The following FARP1 variants were observed in gnomAD, a reference collection of about 807,000 sequenced individuals.
The protein encoded by FARP1 is FERM, ARHGEF and pleckstrin domain-containing protein 1.
In FARP1, 52 loss-of-function variants were observed where a neutral mutation model predicts 128.8. The observed-to-expected ratio is 0.40, with a 90% CI of 0.32 to 0.51. FARP1 has a LOEUF of 0.51. Among genes scored for constraint, FARP1 ranks in the 20% least tolerant of loss-of-function variants. The pLI is 0.45. For missense variants in FARP1, 1,333 were observed against 1,367.9 expected (o/e 0.97, Z 0.40); for synonymous variants, 580 against 551.8 (o/e 1.05, Z -0.72).
At chr13:98,446,456 G>T (rs945355663) in intron 25 of FARP1, 2 of 611,068 alleles carry the variant, frequency 3.3e-6, no homozygotes, top group African/African-American at 1.9e-5. Context: ...AGGGACGGGG[G>T]TTGGCTTTAT....
rs1435837752 is a variant in FARP1 at position 98,143,356 on chromosome 13, C to A, written c.-160C>A. On this transcript the variant is annotated 5_prime_UTR_variant, in exon 1 of 27. It introduces an in-frame stop codon into an upstream open reading frame of the 5' UTR. Coordinates refer to ENST00000319562, the MANE Select transcript of FARP1 (RefSeq NM_005766.4). ...TCAGCCGGCCACCGCCAGCCCTGCT[C>A]GCGCGCCCGCGCCGCCGCCGCCCGC... 4 of 149,822 alleles carry A rather than the reference C, an allele frequency of 2.7e-5. No individual in the cohort carries two copies. The highest frequency in any genetic ancestry group is 3.7e-4 in the South Asian group (2 of 5,374). The allele number at this position is 149,822 out of a possible 1,614,324, so 9.3% of individuals were successfully genotyped here.
At chr13:98,251,607 C>T (rs1307779469) in intron 2 of FARP1, among the ~76,000 whole-genome samples, 31 of 150,542 alleles carry the variant, frequency 2.1e-4, no homozygotes, top group African/African-American at 3.9e-4. Context: ...GGCTTGAACC[C>T]GGGAGGTGGA....
rs757002188 is a variant in FARP1 at position 98,176,507 on chromosome 13, C to A, written c.-24+33015C>A. ...ATTTCCTCTTCCTCGCTTCCCACTT[C>A]ATGGTTTTCGTCCTCGCAGATACAG... On this transcript the variant is annotated intron_variant, in intron 1 of 26. Transcript: ENST00000319562. The surrounding 1 kb of genome is among the most constrained non-coding windows in gnomAD (Gnocchi z 6.2). 4 of 1,614,188 alleles carry A rather than the reference C, an allele frequency of 2.5e-6. No individual in the cohort carries two copies. The highest frequency in any genetic ancestry group is 2.2e-5 in the South Asian group (2 of 91,086).
intron 1 of FARP1, among the ~76,000 whole-genome samples, chr13:98,149,557 T>C (rs1875823880): frequency 1.3e-5 from 2 of 152,158 alleles, no homozygotes; most frequent in Non-Finnish European, 2.9e-5. Context: ...ATGAGACTTC[T>C]AGTTACTCCA....
intron 2 of FARP1, among the ~76,000 whole-genome samples, chr13:98,269,527 A>T (rs1214800754): frequency 6.6e-6 from 1 of 152,188 alleles, no homozygotes; most frequent in Non-Finnish European, 1.5e-5. Flanking sequence ...TATGAAATTG[A>T]TGGGGCAGAT....
chr13:98,342,948 C>T (rs750745596), intron 2 of FARP1, among the ~76,000 whole-genome samples: 6 of 150,354 alleles, frequency 4.0e-5, no homozygotes, highest in Non-Finnish European at 5.9e-5. Context: ...CAGTTGAACC[C>T]GGGAGGTGGA....
At chr13:98,434,987 C>CT (rs1162181605) in intron 18 of FARP1, 1 of 152,312 alleles carries the variant, frequency 6.6e-6, no homozygotes, top group Admixed American at 6.5e-5. Flanking sequence ...GAGCAAAACT[C>CT]TGTCTCAAAC....
At chr13:98,182,167 TG>T (rs1878582066) in intron 1 of FARP1, among the ~76,000 whole-genome samples, 1 of 152,184 alleles carries the variant, frequency 6.6e-6, no homozygotes, top group African/African-American at 2.4e-5. Context: ...TGTGAAGGAT[TG>T]TAACATTTCT....
chr13:98,339,743 A>C (rs9300477), intron 2 of FARP1, among the ~76,000 whole-genome samples: 4,258 of 151,740 alleles, frequency 0.028, 76 homozygotes, highest in Middle Eastern at 0.061. Context: ...GTCATTTTCT[A>C]TAAACATTTT....
chr13:98,288,347 C>T lies in FARP1; in HGVS notation c.172-55415C>T, dbSNP rs866798093. Among the ~76,000 whole-genome samples the T allele has an allele frequency of 3.9e-5, 6 of 152,146 alleles. No individual in the cohort carries two copies. The East Asian group carries it at 7.7e-4, about 20-fold the overall frequency. On this transcript the variant is annotated intron_variant, in intron 2 of 26. Coordinates refer to ENST00000319562, the MANE Select transcript of FARP1 (RefSeq NM_005766.4). ...GTACATATGGCTATTCTGGAACTGA[C>T]GGGAGCCTCTTGATATACTTACAGA...
intron 2 of FARP1, among the ~76,000 whole-genome samples, chr13:98,275,628 C>CTTT (rs201108793): frequency 3.0e-5 from 2 of 67,074 alleles, no homozygotes; most frequent in African/African-American, 4.3e-5. Flanking sequence ...CTCTTTCTCT[C>CTTT]TTTTTTTTTT....
At chr13:98,437,979 G>A in intron 19 of FARP1, 3 of 825,714 alleles carry the variant, frequency 3.6e-6, no homozygotes, top group South Asian at 1.7e-5. Flanking sequence ...ATGGGAAGGT[G>A]GGATCGGAGG....
In FARP1 at chr13:98,385,652, T is replaced by C. The variant is rs1890067471; in HGVS notation, c.612-15T>C. 3.1e-6 allele frequency: 5 copies of C among 1,613,948 alleles called. No individual in the cohort carries two copies. In the East Asian group the frequency reaches 1.1e-4, roughly 36 times the overall value. ...CAAATCTCCTGGCCTTTCTGTTTAATTTTTGTTTTGTCAGTGGACAAACAC... is the reference window on the plus strand; with the variant it reads ...CAAATCTCCTGGCCTTTCTGTTTAACTTTTGTTTTGTCAGTGGACAAACAC... On this transcript the variant is annotated splice_polypyrimidine_tract_variant and intron_variant, in intron 7 of 26. Transcript: ENST00000319562.
chr13:98,453,655 T>C lies in FARP1; in HGVS notation c.*5338T>C, dbSNP rs571340064. On this transcript the variant is annotated 3_prime_UTR_variant, in exon 27 of 27. Transcript: ENST00000319562. ...ATTTCCTAGAACTGCTTCCGAAATA[T>C]GGTCCAAAGCAGGAACAACGTGTCT... is the stretch of plus-strand genomic sequence containing the variant. 8.4e-5 allele frequency: 13 copies of C among 155,346 alleles called. No homozygotes were observed. The highest frequency in any genetic ancestry group is 1.6e-4 in the Non-Finnish European group (11 of 70,488). 9.6% of individuals were successfully genotyped at this position (155,346 alleles called of 1,614,324 possible).
Position 98,352,511 on chromosome 13 carries a change from G to A in FARP1, c.276+8645G>A, listed in dbSNP as rs574729766. 3.3e-5 allele frequency among the ~76,000 whole-genome samples: 5 copies of A among 152,288 alleles called. No homozygotes were observed. In the South Asian group the frequency reaches 1.0e-3, roughly 32 times the overall value. ...GGAGGGCAATCGAGCCAGGGAACTT[G>A]AGAAAGCACGCTTCCATATCCTTCA... On this transcript the variant is annotated intron_variant, in intron 3 of 26. Coordinates refer to ENST00000319562, the MANE Select transcript of FARP1 (RefSeq NM_005766.4).
chr13:98,420,248 G>A (rs1467511800), intron 16 of FARP1, among the ~76,000 whole-genome samples: 6 of 152,114 alleles, frequency 3.9e-5, no homozygotes, highest in South Asian at 2.1e-4. Context: ...TGCCTGCGAC[G>A]ACAGCCCACA....
intron 1 of FARP1, among the ~76,000 whole-genome samples, chr13:98,158,099 T>C (rs1876618137): frequency 6.6e-6 from 1 of 152,254 alleles, no homozygotes; most frequent in Admixed American, 6.5e-5. Context: ...CGGTTTTCTT[T>C]GCATGAGATT....
chr13:98,262,182 AT>A (rs34133279), intron 2 of FARP1, among the ~76,000 whole-genome samples: 27,776 of 140,652 alleles, frequency 0.2, 3,043 homozygotes, highest in African/African-American at 0.33. Flanking sequence ...CGCCCTGCTA[AT>A]TTTTTTTTTT....
At chr13:98,339,530 A>C (rs1176365897) in intron 2 of FARP1, among the ~76,000 whole-genome samples, 1 of 152,156 alleles carries the variant, frequency 6.6e-6, no homozygotes, top group Non-Finnish European at 1.5e-5. Context: ...TACCCATGCC[A>C]TTGTCATGTA....
Sources: gnomAD v4.1 joint callset for allele counts (sites outside exome capture counted in the v4.1 genomes callset) on GRCh38, gnomAD v4.1.1 for gene constraint, Gnocchi (gnomAD v3.1) non-coding constraint, MANE v1.5 for transcripts, NCBI Gene and HGNC (gene_info 2026-07-23, HGNC 2026-07-21) for gene names.